The following SHC3 variants were observed in gnomAD, a reference collection of about 807,000 sequenced individuals.
The protein encoded by SHC3 is SHC adaptor protein 3.
In SHC3, 15 loss-of-function variants were observed where a neutral mutation model predicts 60.4. The ratio of observed to expected loss-of-function variants is 0.25; its 90% CI spans 0.17 to 0.38. The LOEUF (loss-of-function observed/expected upper bound fraction) is 0.38. SHC3 is among the 10% of genes least tolerant of loss of function. The pLI is 1.00. For missense variants in SHC3, 677 were observed against 786.1 expected (o/e 0.86, Z 1.66); for synonymous variants, 294 against 325.9 (o/e 0.90, Z 1.05).
At chr9:89,043,052 C>T (rs1824713541) in intron 9 of SHC3, among the ~76,000 whole-genome samples, 1 of 152,174 alleles carries the variant, frequency 6.6e-6, no homozygotes, top group African/African-American at 2.4e-5. Context: ...TAAACATGTT[C>T]GCAAGAACAC....
chr9:89,047,065 T>G, intron 7 of SHC3, 71 bp from the exon 8 acceptor site: 1 of 1,432,210 alleles, frequency 7.0e-7, no homozygotes, highest in East Asian at 2.5e-5. Flanking sequence ...AAATCTAATG[T>G]TAGCGCCTGT....
intron 6 of SHC3, among the ~76,000 whole-genome samples, chr9:89,058,693 C>A (rs538994582): frequency 8.5e-6 from 1 of 117,652 alleles, no homozygotes; most frequent in African/African-American, 3.4e-5. Context: ...TGATGGAGGG[C>A]GGTGGTGGAG....
chr9:89,177,124 G>A (rs1045999133), intron 1 of SHC3, among the ~76,000 whole-genome samples: 1 of 152,204 alleles, frequency 6.6e-6, no homozygotes, highest in Non-Finnish European at 1.5e-5. Flanking sequence ...AAAGCTCTGA[G>A]CTGCCCAACC....
chr9:89,104,119 C>G (rs1298421646), intron 2 of SHC3, among the ~76,000 whole-genome samples: 1 of 151,784 alleles, frequency 6.6e-6, no homozygotes, highest in Non-Finnish European at 1.5e-5. Flanking sequence ...TCTCAGTCAC[C>G]AAGTCATCTA....
intron 11 of SHC3, 91 bp from the exon 12 acceptor site, chr9:89,013,666 T>C (rs911277163): frequency 2.7e-6 from 4 of 1,500,410 alleles, no homozygotes; most frequent in African/African-American, 1.4e-5. Context: ...CCATCTGAAC[T>C]GGCCCAGAAG....
At chr9:89,042,252 C>A in intron 9 of SHC3, 68 bp from the exon 10 acceptor site, 1 of 1,453,012 alleles carries the variant, frequency 6.9e-7, no homozygotes, top group Non-Finnish European at 9.0e-7. Context: ...CAGCCTTTCA[C>A]AAAGAAGCTC....
At chr9:89,078,011 T>C in intron 2 of SHC3, 108 bp from the exon 3 acceptor site, 1 of 1,318,456 alleles carries the variant, frequency 7.6e-7, no homozygotes, top group Non-Finnish European at 1.1e-6. Context: ...TTTATTTCAG[T>C]ATAGAAAACA....
At chr9:89,134,400 T>A (rs1826291748) in intron 1 of SHC3, among the ~76,000 whole-genome samples, 1 of 152,162 alleles carries the variant, frequency 6.6e-6, no homozygotes, top group African/African-American at 2.4e-5. Context: ...TTTTTCTGAA[T>A]AATAGTTGAA....
At chr9:89,176,159 AAC>A (rs1443647957) in intron 1 of SHC3, among the ~76,000 whole-genome samples, 1 of 152,202 alleles carries the variant, frequency 6.6e-6, no homozygotes, top group East Asian at 1.9e-4. Flanking sequence ...AATTTGAGGC[AAC>A]ACAAAGTAAC....
intron 1 of SHC3, among the ~76,000 whole-genome samples, chr9:89,113,267 A>G (rs1825975760): frequency 1.3e-5 from 2 of 152,202 alleles, no homozygotes; most frequent in South Asian, 2.1e-4. Flanking sequence ...ATGAAAATGT[A>G]TATGTGTAAG....
intron 1 of SHC3, among the ~76,000 whole-genome samples, chr9:89,137,635 A>G (rs1205495057): frequency 6.6e-6 from 1 of 152,198 alleles, no homozygotes; most frequent in Non-Finnish European, 1.5e-5. Context: ...AGCTTTCTGA[A>G]TGAGAAATAT....
chr9:89,111,382 A>G (rs1825944765), intron 2 of SHC3, among the ~76,000 whole-genome samples: 1 of 152,150 alleles, frequency 6.6e-6, no homozygotes. Flanking sequence ...TTTCATGGGT[A>G]AGGTGAATAA....
At chr9:89,037,768 A>G (rs1325085802) in intron 11 of SHC3, among the ~76,000 whole-genome samples, 4 of 152,252 alleles carry the variant, frequency 2.6e-5, no homozygotes, top group Non-Finnish European at 4.4e-5. Context: ...AGCCTAGGCC[A>G]TAATTCTAAA....
At chr9:89,077,647 T>C (rs1825379996) in intron 3 of SHC3, among the ~76,000 whole-genome samples, 193 bp downstream of exon 3, 1 of 152,228 alleles carries the variant, frequency 6.6e-6, no homozygotes, top group Admixed American at 6.5e-5. Context: ...TGTCTACTTC[T>C]GAGACAGGGA....
chr9:89,072,864 T>C (rs773958531), intron 4 of SHC3, among the ~76,000 whole-genome samples: 2 of 152,170 alleles, frequency 1.3e-5, no homozygotes, highest in Admixed American at 1.3e-4. Context: ...CCTGTAAAAC[T>C]TGAAATAAAA....
intron 1 of SHC3, among the ~76,000 whole-genome samples, chr9:89,154,205 C>CTT (rs113595933): frequency 6.7e-4 from 98 of 145,652 alleles, no homozygotes; most frequent in African/African-American, 2.3e-3. Context: ...TGTGATTTTT[C>CTT]TTTTTTTTTT....
intron 2 of SHC3, among the ~76,000 whole-genome samples, chr9:89,080,630 T>C (rs1208401468): frequency 6.6e-6 from 1 of 152,018 alleles, no homozygotes; most frequent in Admixed American, 6.6e-5. Flanking sequence ...AAAAATTATG[T>C]TGGGCTCCTA....
chr9:89,148,565 G>A (rs932352153), intron 1 of SHC3, among the ~76,000 whole-genome samples: 13 of 152,168 alleles, frequency 8.5e-5, no homozygotes, highest in African/African-American at 3.1e-4. Flanking sequence ...ACTTTCAACT[G>A]GGGCTCAGAT....
intron 1 of SHC3, among the ~76,000 whole-genome samples, chr9:89,129,806 C>T (rs1826217889): frequency 6.6e-6 from 1 of 152,066 alleles, no homozygotes; most frequent in African/African-American, 2.4e-5. Context: ...CAAAAACATG[C>T]CAAATTGTAA....
Sources: gnomAD v4.1 joint callset for allele counts (sites outside exome capture counted in the v4.1 genomes callset) on GRCh38, gnomAD v4.1.1 for gene constraint, MANE v1.5 for transcripts, NCBI Gene and HGNC (gene_info 2026-07-23, HGNC 2026-07-21) for gene names.